TSPEAR: variants seen among roughly 807,000 people sequenced by gnomAD.
The protein encoded by TSPEAR is thrombospondin-type laminin G domain and EAR repeat-containing protein.
TSPEAR carries 69 observed loss-of-function variants against 71.6 expected under a neutral mutation model. The observed-to-expected ratio is 0.96, with a 90% confidence interval of 0.79 to 1.18. The LOEUF is 1.18. TSPEAR is among the 50% of genes most tolerant of loss of function. The probability of loss-of-function intolerance (pLI) is 0.00; values close to 1 mark genes in which losing one functional copy is unlikely to be tolerated. For synonymous variants in TSPEAR, 402 were observed against 387.2 expected, an observed-to-expected ratio of 1.04 and a Z score of -0.45; for missense variants, 971 against 894.9, an observed-to-expected ratio of 1.09 and a Z score of -1.09.
chr21:44,535,817 C>T (rs1276252889), intron 2 of TSPEAR, among the ~76,000 whole-genome samples: 10 of 150,886 alleles, frequency 6.6e-5, no homozygotes, highest in East Asian at 5.8e-4. Flanking sequence ...CCGCCCGCTT[C>T]GGCCTCCCAA....
At position 44,642,602 on chromosome 21, in the gene TSPEAR, G is replaced by A. The variant is rs1183859331; in HGVS notation, c.82+68831C>T. Among the ~76,000 whole-genome samples, 1 of 152,212 alleles carries A rather than the reference G, an allele frequency of 6.6e-6. No individual in the cohort carries two copies. The highest frequency in any genetic ancestry group is 2.4e-5 in the African/African-American group (1 of 41,442). ...CTCATGCCTGTAATCCCAGCACTTT[G>A]AGAGGCCGAGGCAGGCAGATCACGA... On this transcript the variant is annotated intron_variant, in intron 1 of 11. Transcript: ENST00000323084. The surrounding 1 kb of genome is among the most constrained non-coding windows in gnomAD (Gnocchi z 4.1).
intron 2 of TSPEAR, chr21:44,558,065 C>T (rs1166940973): frequency 6.2e-7 from 1 of 1,608,178 alleles, no homozygotes; most frequent in Non-Finnish European, 8.5e-7. Flanking sequence ...AGCTGGACTT[C>T]TGGCCTGAGG....
intron 4 of TSPEAR, among the ~76,000 whole-genome samples, chr21:44,530,515 G>A (rs904134902): frequency 6.1e-5 from 9 of 147,546 alleles, no homozygotes; most frequent in Middle Eastern, 3.4e-3. Context: ...ATCTCTCCAC[G>A]CATCCATCCA....
In TSPEAR at chr21:44,611,252, C is replaced by T. The variant is rs139721092; in HGVS notation, c.83-43247G>A. Among the ~76,000 whole-genome samples, 770 of 152,254 alleles carry T rather than the reference C, an allele frequency of 5.1e-3. 5 individuals are homozygous for T. The highest frequency in any genetic ancestry group is 0.018 in the African/African-American group (728 of 41,544). ...CCAAATCTCGACTTGAATTTCATCT[C>T]CCAGCATTCCTACATGTTGTGGGAG... On this transcript the variant is annotated intron_variant, in intron 1 of 11. Coordinates refer to ENST00000323084, the MANE Select transcript of TSPEAR (RefSeq NM_144991.3).
chr21:44,592,065 G>A lies in TSPEAR; in HGVS notation c.83-24060C>T, dbSNP rs782814622. 8 of 1,568,794 alleles carry A rather than the reference G, an allele frequency of 5.1e-6. No homozygotes were observed. The South Asian group carries it at 9.0e-5, about 18-fold the overall frequency. On this transcript the variant is annotated intron_variant, in intron 1 of 11. Transcript: ENST00000323084. Reference sequence around the variant, plus strand: ...AGGAGGTGCAGCAAGCTGACTGGCAGCTAGACTGCTGGCAGCATGAAGAAT... The same window carrying A: ...AGGAGGTGCAGCAAGCTGACTGGCAACTAGACTGCTGGCAGCATGAAGAAT...
intron 10 of TSPEAR, 58 bp downstream of exon 10, chr21:44,509,141 G>C (rs183434214): frequency 3.8e-6 from 6 of 1,560,960 alleles, no homozygotes; most frequent in Non-Finnish European, 4.4e-6. Context: ...CGGGGATTCC[G>C]ACATGGTGGG....
chr21:44,595,497 C>T (rs749411893), intron 1 of TSPEAR, among the ~76,000 whole-genome samples: 3 of 152,196 alleles, frequency 2.0e-5, no homozygotes, highest in Non-Finnish European at 4.4e-5. Flanking sequence ...ACACTGAGCC[C>T]CAGCCAACAG....
Position 44,516,432 on chromosome 21 carries a change from G to A in TSPEAR, c.1566+5451C>T, listed in dbSNP as rs368228835. On this transcript the variant is annotated intron_variant, in intron 9 of 11. Coordinates refer to ENST00000323084, the MANE Select transcript of TSPEAR (RefSeq NM_144991.3). ...GGAGCTCCTCTGATTCCTGGTGGGC[G>A]GCTTCTGGCCTCGCCTCTTCACCCA... 2.2e-3 allele frequency: 338 copies of A among 152,584 alleles called. 2 individuals carry two copies. The highest frequency in any genetic ancestry group is 3.7e-3 in the Non-Finnish European group (253 of 68,248). The allele number at this position is 152,584 out of a possible 1,614,324, so 9.5% of individuals were successfully genotyped here. A position where few individuals can be genotyped will look rare whatever the true frequency, so the allele number is the denominator to read the frequency against.
chr21:44,611,861 C>T (rs1184309471), intron 1 of TSPEAR, among the ~76,000 whole-genome samples: 2 of 152,198 alleles, frequency 1.3e-5, no homozygotes, highest in African/African-American at 2.4e-5. Context: ...GCACAGACAC[C>T]TGCAAGTGGT....
At chr21:44,653,246 C>T (rs1984922207) in intron 1 of TSPEAR, among the ~76,000 whole-genome samples, 1 of 152,180 alleles carries the variant, frequency 6.6e-6, no homozygotes, top group African/African-American at 2.4e-5. Flanking sequence ...CTCTGCGGTC[C>T]ATAACCAGAT....
intron 11 of TSPEAR, among the ~76,000 whole-genome samples, chr21:44,503,491 T>G (rs1264907271): frequency 2.4e-5 from 3 of 124,244 alleles, no homozygotes; most frequent in Non-Finnish European, 3.3e-5. Context: ...GAAGAAAGGC[T>G]CTGGGAGGAG....
intron 2 of TSPEAR, among the ~76,000 whole-genome samples, chr21:44,540,882 T>G (rs587621228): frequency 3.9e-4 from 59 of 152,338 alleles, no homozygotes; most frequent in African/African-American, 1.4e-3. Flanking sequence ...AGTTTTGAAC[T>G]GGCCCATGGA....
chr21:44,678,020 C>T lies in TSPEAR; in HGVS notation c.82+33413G>A, dbSNP rs188060632. On this transcript the variant is annotated intron_variant, in intron 1 of 11. Coordinates refer to ENST00000323084, the MANE Select transcript of TSPEAR (RefSeq NM_144991.3). ...CGGCATGGTCACAGTGGACGGAGGA[C>T]TAACTTCCCATAGAGACAACTCTGG... 54 of 827,236 alleles carry T rather than the reference C, an allele frequency of 6.5e-5. 1 individual carries two copies. The Admixed American group carries it at 9.8e-4, about 15-fold the overall frequency. The allele number at this position is 827,236 out of a possible 1,614,324, so 51.2% of individuals were successfully genotyped here. A position where few individuals can be genotyped will look rare whatever the true frequency, so the allele number is the denominator to read the frequency against.
intron 1 of TSPEAR, among the ~76,000 whole-genome samples, chr21:44,631,578 T>C (rs1254399341): frequency 1.3e-5 from 2 of 151,872 alleles, no homozygotes; most frequent in African/African-American, 4.8e-5. Flanking sequence ...AATAAATAAA[T>C]AGCTGGGCGT....
intron 3 of TSPEAR, 59 bp downstream of exon 3, chr21:44,533,626 T>A: frequency 7.0e-7 from 1 of 1,419,744 alleles, no homozygotes; most frequent in Middle Eastern, 2.3e-4. Context: ...GGCTGAAGGA[T>A]GCCTGGCCTG....
At position 44,604,987 on chromosome 21, in the gene TSPEAR, AG is replaced by A. The variant is rs368802555; in HGVS notation, c.83-36983del. 3.8e-3 allele frequency among the ~76,000 whole-genome samples: 583 copies of A among 152,308 alleles called. 1 individual carries two copies. The highest frequency in any genetic ancestry group is 0.01 in the Middle Eastern group (3 of 294). The stretch of plus-strand genomic sequence containing the variant: ...AATGTGCTGTTGAATTCAGTTTGCT[AG>A]TCTTTTTTTGAGGATTTTTGCATCT... On this transcript the variant is annotated intron_variant, in intron 1 of 11. Transcript: ENST00000323084.
intron 1 of TSPEAR, chr21:44,702,312 G>A (rs571661403): frequency 1.3e-4 from 209 of 1,609,792 alleles, no homozygotes; most frequent in Non-Finnish European, 1.7e-4. Context: ...GCTGTGCCCC[G>A]GCCCCCTGCC....
At chr21:44,701,713 C>T (rs1033466319) in intron 1 of TSPEAR, among the ~76,000 whole-genome samples, 13 of 152,062 alleles carry the variant, frequency 8.5e-5, no homozygotes, top group Non-Finnish European at 1.8e-4. Flanking sequence ...AGGCGGAGCT[C>T]GGGTGGTAAA....
intron 1 of TSPEAR, among the ~76,000 whole-genome samples, chr21:44,672,463 G>A (rs9982835): frequency 4.6e-5 from 7 of 152,150 alleles, no homozygotes; most frequent in Admixed American, 2.0e-4. Flanking sequence ...CCAGCTACTC[G>A]GGAGGCTGAG....
Sources: gnomAD v4.1 joint callset for allele counts (sites outside exome capture counted in the v4.1 genomes callset) on GRCh38, gnomAD v4.1.1 for gene constraint, Gnocchi (gnomAD v3.1) non-coding constraint, MANE v1.5 for transcripts, NCBI Gene and HGNC (gene_info 2026-07-23, HGNC 2026-07-21) for gene names.